RYR2: variants seen among roughly 807,000 people sequenced by gnomAD.
The protein encoded by RYR2 is ryanodine receptor 2, also known as cardiac muscle ryanodine receptor-calcium release channel.
Under a neutral mutation model 601.1 loss-of-function variants are expected in RYR2, and 227 were observed. That is an observed-to-expected ratio of 0.38 (90% confidence interval 0.34 to 0.42). RYR2 has a LOEUF of 0.42. RYR2 is among the 10% of genes least tolerant of loss of function. RYR2 has a pLI of 1.00. For missense variants in RYR2, 4,646 were observed against 6,156.5 expected, an observed-to-expected ratio of 0.75 and a Z score of 8.21; for synonymous variants, 2,223 against 2,175.1, an observed-to-expected ratio of 1.02 and a Z score of -0.61.
intron 24 of RYR2, among the ~76,000 whole-genome samples, chr1:237,520,839 C>G (rs1404350398): frequency 6.6e-6 from 1 of 152,072 alleles, no homozygotes; most frequent in Non-Finnish European, 1.5e-5. Flanking sequence ...AGTTCCAGAC[C>G]AGCCTGGCCA....
At chr1:237,281,661 C>A (rs1381417168) in intron 2 of RYR2, among the ~76,000 whole-genome samples, 9 of 152,188 alleles carry the variant, frequency 5.9e-5, no homozygotes, top group Admixed American at 5.2e-4. Flanking sequence ...AGTGCAGACT[C>A]CCCCCAGATG....
chr1:237,456,549 A>G (rs1443967971), intron 15 of RYR2, 51 bp from the exon 16 acceptor site: 2 of 1,445,296 alleles, frequency 1.4e-6, no homozygotes, highest in East Asian at 4.9e-5. Context: ...TGTAAGCAGA[A>G]TGACAGTTTT....
At chr1:237,754,265 G>A (rs545235726) in intron 80 of RYR2, among the ~76,000 whole-genome samples, 4 of 151,870 alleles carry the variant, frequency 2.6e-5, no homozygotes, top group Middle Eastern at 3.4e-3. Context: ...TTATTTTTAA[G>A]CAAGGTAGTC....
chr1:237,355,606 A>G (rs1182273270), intron 3 of RYR2, among the ~76,000 whole-genome samples: 7 of 152,160 alleles, frequency 4.6e-5, no homozygotes, highest in Non-Finnish European at 7.4e-5. Context: ...TAATTAAATC[A>G]GTTTTTATAA....
intron 1 of RYR2, among the ~76,000 whole-genome samples, chr1:237,165,106 T>G (rs1676536718): frequency 6.6e-6 from 1 of 151,940 alleles, no homozygotes; most frequent in African/African-American, 2.4e-5. Context: ...TATAGGCGCA[T>G]GCACCATACC....
At position 237,500,714 on chromosome 1, in the gene RYR2, G is replaced by A; in HGVS notation, c.2207G>A (p.Cys736Tyr). 1 of 1,603,646 alleles carries A rather than the reference G, an allele frequency of 6.2e-7. No homozygotes were observed. The highest frequency in any genetic ancestry group is 1.1e-5 in the South Asian group (1 of 90,208). Residue 736 changes from cysteine to tyrosine, a missense_variant, in exon 21 of 105, where the codon TGT becomes TAT. Physicochemically the swap from Cys to Tyr is radical, Grantham distance 194. This residue lies in a region of RYR2 where 1,807 missense variants were observed against 2,088.1 expected (regional missense o/e 0.87). Coordinates refer to ENST00000366574, the MANE Select transcript of RYR2 (RefSeq NM_001035.3). ...GFDGLHLWSGCIARTVSSPNQ... is the reference protein window; with the variant it reads ...GFDGLHLWSGYIARTVSSPNQ... ...CTTAATGTTTTCCCCCCAATAGGTTGTATTGCTCGTACTGTAAGCTCACCA... is the reference window on the plus strand; with the variant it reads ...CTTAATGTTTTCCCCCCAATAGGTTATATTGCTCGTACTGTAAGCTCACCA...
chr1:237,540,633 G>A (rs1669156224), intron 25 of RYR2, among the ~76,000 whole-genome samples: 2 of 151,960 alleles, frequency 1.3e-5, no homozygotes, highest in African/African-American at 4.8e-5. Context: ...CTTGAGCCTG[G>A]GAGGCAGAAG....
chr1:237,096,741 T>TTTTACCACTTG (rs1208486154), intron 1 of RYR2, among the ~76,000 whole-genome samples: 5 of 152,232 alleles, frequency 3.3e-5, no homozygotes, highest in Non-Finnish European at 7.3e-5. Context: ...GGACAAGAGA[T>TTTTACCACTTG]GAAAGTTCCA....
At chr1:237,684,029 G>A (rs1686133920) in intron 62 of RYR2, among the ~76,000 whole-genome samples, 1 of 151,970 alleles carries the variant, frequency 6.6e-6, no homozygotes, top group African/African-American at 2.4e-5. Context: ...CCAGGTTCAA[G>A]CAATTCTCCT....
At chr1:237,492,870 A>AGGAAGGAC in intron 18 of RYR2, 84 bp from the exon 19 acceptor site, 3 of 1,279,966 alleles carry the variant, frequency 2.3e-6, no homozygotes, top group Non-Finnish European at 3.1e-6. Context: ...GAAGGAAGGA[A>AGGAAGGAC]GAAGGGAAGG....
chr1:237,496,822 G>A, intron 20 of RYR2, 70 bp downstream of exon 20: 4 of 1,536,998 alleles, frequency 2.6e-6, no homozygotes, highest in Non-Finnish European at 3.5e-6. Flanking sequence ...AAAGCTATTG[G>A]TGCTGCTTCC....
intron 1 of RYR2, among the ~76,000 whole-genome samples, chr1:237,101,550 C>G (rs1026144707): frequency 1.3e-5 from 2 of 152,190 alleles, no homozygotes; most frequent in African/African-American, 4.8e-5. Context: ...CTCGATCTTA[C>G]AAGAGCAAGA....
At chr1:237,192,178 A>C (rs948738279) in intron 1 of RYR2, among the ~76,000 whole-genome samples, 5 of 152,030 alleles carry the variant, frequency 3.3e-5, no homozygotes, top group African/African-American at 1.2e-4. Flanking sequence ...TTCTCCAGAA[A>C]AAAAAAAAAA....
chr1:237,573,427 A>G (rs1272809088), intron 29 of RYR2, among the ~76,000 whole-genome samples: 1 of 151,638 alleles, frequency 6.6e-6, no homozygotes, highest in Non-Finnish European at 1.5e-5. Context: ...TTGTTTCTAT[A>G]TACCGTCAAA....
chr1:237,561,651 A>G (rs756644938), intron 27 of RYR2, among the ~76,000 whole-genome samples: 8 of 152,246 alleles, frequency 5.3e-5, no homozygotes, highest in Non-Finnish European at 8.8e-5. Flanking sequence ...AGATGAAGGT[A>G]GAAAGATTAG....
chr1:237,260,392 C>T lies in RYR2; in HGVS notation c.49-10105C>T, dbSNP rs137898517. ...AAGAACCCTCAGAGATATTTCAGCA[C>T]GTTGAAAGCACAAAGGAGAAAATTC... On this transcript the variant is annotated intron_variant, in intron 1 of 104. Coordinates refer to ENST00000366574, the MANE Select transcript of RYR2 (RefSeq NM_001035.3). 7.9e-5 allele frequency among the ~76,000 whole-genome samples: 12 copies of T among 152,276 alleles called. No individual in the cohort carries two copies. The East Asian group carries it at 9.6e-4, about 12-fold the overall frequency.
chr1:237,463,938 T>G (rs1475917482), intron 16 of RYR2, among the ~76,000 whole-genome samples: 1 of 152,206 alleles, frequency 6.6e-6, no homozygotes, highest in African/African-American at 2.4e-5. Context: ...TTAATACATT[T>G]TAGATAAGGA....
At chr1:237,386,163 T>A (rs1701940618) in intron 8 of RYR2, among the ~76,000 whole-genome samples, 1 of 152,186 alleles carries the variant, frequency 6.6e-6, no homozygotes, top group Non-Finnish European at 1.5e-5. Flanking sequence ...GTCTTATGTA[T>A]CAACTGGTAA....
chr1:237,713,964 T>A (rs1225614112), intron 71 of RYR2, among the ~76,000 whole-genome samples: 1 of 152,044 alleles, frequency 6.6e-6, no homozygotes, highest in Non-Finnish European at 1.5e-5. Flanking sequence ...GGTAGGCTAT[T>A]TCATTGTGGG....
Sources: allele counts gnomAD v4.1 joint callset (sites outside exome capture counted in the v4.1 genomes callset), GRCh38; gene constraint gnomAD v4.1.1; regional missense constraint gnomAD v4.1.1; transcripts MANE v1.5; gene names NCBI Gene and HGNC (gene_info 2026-07-23, HGNC 2026-07-21).